The following CLNK variants were observed in gnomAD, a reference collection of about 807,000 sequenced individuals.
CLNK encodes cytokine-dependent hematopoietic cell linker.
Under a neutral mutation model 68.6 loss-of-function variants are expected in CLNK, and 74 were observed. The ratio of observed to expected loss-of-function variants is 1.08; its 90% CI spans 0.89 to 1.31. The LOEUF (loss-of-function observed/expected upper bound fraction) is 1.31, where lower values mean the gene tolerates loss of function less well. Among genes scored for constraint, CLNK ranks in the 50% most tolerant of loss-of-function variants. The pLI, the probability that CLNK is intolerant of heterozygous loss-of-function variation, is 0.00. For synonymous variants in CLNK, 198 were observed against 172.2 expected (o/e 1.15, Z -1.17); for missense variants, 553 against 515.3 (o/e 1.07, Z -0.71).
At chr4:10,635,335 G>C (rs527903971) in intron 2 of CLNK, among the ~76,000 whole-genome samples, 119 of 152,228 alleles carry the variant, frequency 7.8e-4, no homozygotes, top group African/African-American at 2.5e-3. Context: ...AGGAGATCCT[G>C]CCTGGGTAAT....
chr4:10,534,736 T>C (rs995501460), intron 11 of CLNK, among the ~76,000 whole-genome samples: 9 of 152,142 alleles, frequency 5.9e-5, no homozygotes, highest in Non-Finnish European at 7.3e-5. Flanking sequence ...AAATTATGGA[T>C]TTTTTATCCT....
At chr4:10,608,353 C>T (rs2108852090) in intron 2 of CLNK, among the ~76,000 whole-genome samples, 1 of 152,282 alleles carries the variant, frequency 6.6e-6, no homozygotes, top group South Asian at 2.1e-4. Context: ...CCTCTCTTCT[C>T]CTCCTCTTCT....
chr4:10,555,372 C>T (rs1422829156), intron 8 of CLNK, among the ~76,000 whole-genome samples: 2 of 152,164 alleles, frequency 1.3e-5, no homozygotes, highest in African/African-American at 4.8e-5. Flanking sequence ...TTTGGTTTCT[C>T]TAGAAAAATA....
intron 14 of CLNK, among the ~76,000 whole-genome samples, chr4:10,525,103 C>T (rs979983842): frequency 3.3e-5 from 5 of 152,082 alleles, no homozygotes; most frequent in South Asian, 2.1e-4. Context: ...GTCACTCTGT[C>T]GCCCAGGCTG....
the CLNK span, chr4:10,697,089 T>G: frequency 6.6e-6 from 1 of 152,212 alleles, no homozygotes; most frequent in South Asian, 2.1e-4. Context: ...AACCCAACTG[T>G]CACCCCTCAA....
At chr4:10,497,834 A>G (rs977419923) in intron 18 of CLNK, among the ~76,000 whole-genome samples, 2 of 152,248 alleles carry the variant, frequency 1.3e-5, no homozygotes, top group African/African-American at 4.8e-5. Context: ...ATGCAAAGGC[A>G]CACCATGTCC....
At chr4:10,688,596 T>C (rs892759608), upstream of CLNK, among the ~76,000 whole-genome samples, 3 of 152,176 alleles carry the variant, frequency 2.0e-5, no homozygotes, top group Non-Finnish European at 4.4e-5. Flanking sequence ...AGATGAGTTA[T>C]ATAACCTGAC....
At position 10,671,980 on chromosome 4, in the gene CLNK, G is replaced by A. The variant is rs189233215; in HGVS notation, c.-42-4069C>T. ...TAGCTCGCTTTGTCTCTTCTTATCA[G>A]CCTACGCAGCTACTTAGGTCGTAAG... is the stretch of plus-strand genomic sequence containing the variant. On this transcript the variant is annotated intron_variant, in intron 1 of 18. Coordinates refer to ENST00000226951, the MANE Select transcript of CLNK (RefSeq NM_052964.4). Among the ~76,000 whole-genome samples, 20 of 152,244 alleles carry A rather than the reference G, an allele frequency of 1.3e-4. No homozygotes were observed. In the East Asian group the frequency reaches 3.7e-3, roughly 28 times the overall value.
intron 11 of CLNK, among the ~76,000 whole-genome samples, chr4:10,536,036 A>G (rs558210845): frequency 9.9e-5 from 15 of 152,172 alleles, no homozygotes; most frequent in Non-Finnish European, 1.8e-4. Context: ...TGTTTCGTGA[A>G]ACCAAGGCTT....
chr4:10,699,472 C>G, the CLNK span, among the ~76,000 whole-genome samples: 31 of 11,890 alleles, frequency 2.6e-3, no homozygotes, highest in African/African-American at 5.2e-3. Flanking sequence ...CTCTGTCTCT[C>G]TCTCTCTCTC....
intron 2 of CLNK, among the ~76,000 whole-genome samples, chr4:10,602,860 G>C (rs1402104482): frequency 6.6e-6 from 1 of 152,142 alleles, no homozygotes; most frequent in Non-Finnish European, 1.5e-5. Context: ...TTTAAGTGAT[G>C]GTATAGTCAA....
chr4:10,622,446 G>A (rs981714032), intron 2 of CLNK, among the ~76,000 whole-genome samples: 1 of 152,190 alleles, frequency 6.6e-6, no homozygotes, highest in African/African-American at 2.4e-5. Context: ...GATGTGACAG[G>A]CTACAACAAC....
At chr4:10,709,844 A>C in the CLNK span, among the ~76,000 whole-genome samples, 16,350 of 152,168 alleles carry the variant, frequency 0.11, 997 homozygotes, top group South Asian at 0.21. Flanking sequence ...CTAGCTGACA[A>C]CTGCAGACAT....
At chr4:10,584,893 C>G in intron 4 of CLNK, 34 bp downstream of exon 4, 1 of 1,610,282 alleles carries the variant, frequency 6.2e-7, no homozygotes, top group Non-Finnish European at 8.5e-7. Flanking sequence ...TGCTGACATT[C>G]CCACCACTTA....
chr4:10,523,043 G>C (rs188445591), intron 14 of CLNK, among the ~76,000 whole-genome samples: 1 of 152,130 alleles, frequency 6.6e-6, no homozygotes, highest in South Asian at 2.1e-4. Context: ...TTATTAGAAG[G>C]CTAGTGCAAT....
At chr4:10,531,127 C>G (rs1718519740) in intron 12 of CLNK, among the ~76,000 whole-genome samples, 1 of 152,186 alleles carries the variant, frequency 6.6e-6, no homozygotes, top group Admixed American at 6.5e-5. Context: ...GAGCATAGGT[C>G]AAACACAAAG....
intron 2 of CLNK, among the ~76,000 whole-genome samples, chr4:10,626,636 CAT>C (rs1163352622): frequency 6.6e-6 from 1 of 152,080 alleles, no homozygotes; most frequent in Non-Finnish European, 1.5e-5. Context: ...TTGTGGCACA[CAT>C]ATATGTAAAT....
At chr4:10,612,433 T>G (rs936461279) in intron 2 of CLNK, among the ~76,000 whole-genome samples, 6 of 152,350 alleles carry the variant, frequency 3.9e-5, no homozygotes, top group Middle Eastern at 3.4e-3. Flanking sequence ...CAATTATTCC[T>G]GTTGACAACA....
At chr4:10,657,695 C>T (rs1462309058) in intron 2 of CLNK, among the ~76,000 whole-genome samples, 2 of 152,178 alleles carry the variant, frequency 1.3e-5, no homozygotes, top group Non-Finnish European at 2.9e-5. Context: ...CCTCTAATTG[C>T]AGCCTACCCA....
Sources: allele counts gnomAD v4.1 joint callset (sites outside exome capture counted in the v4.1 genomes callset), GRCh38; gene constraint gnomAD v4.1.1; transcripts MANE v1.5; gene names NCBI Gene and HGNC (gene_info 2026-07-23, HGNC 2026-07-21).